NEMP2: variants seen among roughly 807,000 people sequenced by gnomAD.
NEMP2 encodes nuclear envelope integral membrane protein 2, also known as UPF0571 transmembrane protein.
Under a neutral mutation model 54.2 loss-of-function variants are expected in NEMP2, and 53 were observed. That is an observed-to-expected ratio of 0.98 (90% CI 0.78 to 1.23). NEMP2 has a LOEUF of 1.23. Ranked by LOEUF, NEMP2 falls within the 50% of genes most tolerant of loss-of-function variation. NEMP2 has a pLI of 0.00. For missense variants in NEMP2, 455 were observed against 511.3 expected (o/e 0.89, Z 1.06); for synonymous variants, 197 against 190.3 (o/e 1.04, Z -0.29).
At chr2:190,460,736 A>G in the NEMP2 span, among the ~76,000 whole-genome samples, 1 of 152,210 alleles carries the variant, frequency 6.6e-6, no homozygotes, top group Non-Finnish European at 1.5e-5. Flanking sequence ...GCTGGGTGAG[A>G]GCTGAAGAAT....
At chr2:190,422,300 GC>G in the NEMP2 span, among the ~76,000 whole-genome samples, 2 of 152,102 alleles carry the variant, frequency 1.3e-5, no homozygotes, top group Non-Finnish European at 2.9e-5. Context: ...TAGACTGGTT[GC>G]CCTTCAAAGT....
At chr2:190,559,407 G>A in the NEMP2 span, among the ~76,000 whole-genome samples, 31 of 152,292 alleles carry the variant, frequency 2.0e-4, no homozygotes, top group Non-Finnish European at 4.1e-4. The surrounding 1 kb of genome is among the most constrained non-coding windows in gnomAD (Gnocchi z 4.0). Flanking sequence ...GAGCGTATGA[G>A]TTCTGATGGA....
chr2:190,477,065 GA>G, the NEMP2 span: 1 of 106,260 alleles, frequency 9.4e-6, no homozygotes, highest in African/African-American at 3.8e-5. Flanking sequence ...GGGGTGGGGG[GA>G]GGGGGGAGGG....
chr2:190,444,124 T>C, the NEMP2 span, among the ~76,000 whole-genome samples: 17 of 152,366 alleles, frequency 1.1e-4, 1 homozygote, highest in East Asian at 3.3e-3. Context: ...AGTACTTTTA[T>C]ACTTTCAATT....
the NEMP2 span, among the ~76,000 whole-genome samples, chr2:190,580,340 G>A: frequency 5.3e-5 from 8 of 152,262 alleles, no homozygotes; most frequent in Admixed American, 3.3e-4. This position sits in a 1 kb window ranked among gnomAD's most constrained non-coding sequence, Gnocchi z 5.3. Flanking sequence ...CTTTAGTGGC[G>A]AATATAAGAG....
chr2:190,473,156 G>A, the NEMP2 span, among the ~76,000 whole-genome samples: 2 of 152,116 alleles, frequency 1.3e-5, no homozygotes, highest in African/African-American at 2.4e-5. Context: ...AGACCATCGA[G>A]GCTAGGAAGA....
chr2:190,548,313 A>G, the NEMP2 span, among the ~76,000 whole-genome samples: 3 of 152,170 alleles, frequency 2.0e-5, no homozygotes, highest in Non-Finnish European at 4.4e-5. Context: ...TATTTCAGCA[A>G]TAATTAAAGC....
the NEMP2 span, chr2:190,442,473 C>T: frequency 6.6e-6 from 1 of 152,010 alleles, no homozygotes; most frequent in Non-Finnish European, 1.5e-5. Flanking sequence ...ATGTTCCTCC[C>T]TGCTTTGAAT....
At chr2:190,591,437 G>A in the NEMP2 span, among the ~76,000 whole-genome samples, 1 of 152,112 alleles carries the variant, frequency 6.6e-6, no homozygotes, top group Non-Finnish European at 1.5e-5. The surrounding 1 kb of genome is among the most constrained non-coding windows in gnomAD (Gnocchi z 5.4). Flanking sequence ...AGTTCAGAAG[G>A]TTCCTAGTAC....
At chr2:190,501,814 G>A (rs1325073460), downstream of NEMP2, 4 of 152,590 alleles carry the variant, frequency 2.6e-5, no homozygotes, top group African/African-American at 9.7e-5. Context: ...GAAACGTACT[G>A]TACTGTAAAT....
At chr2:190,567,889 C>T in the NEMP2 span, among the ~76,000 whole-genome samples, 7 of 152,130 alleles carry the variant, frequency 4.6e-5, no homozygotes, top group Admixed American at 1.3e-4. This position sits in a 1 kb window ranked among gnomAD's most constrained non-coding sequence, Gnocchi z 4.0. Flanking sequence ...CCTTGCGATT[C>T]GCCCGCCTTG....
the NEMP2 span, among the ~76,000 whole-genome samples, chr2:190,589,117 T>A: frequency 6.6e-6 from 1 of 152,164 alleles, no homozygotes; most frequent in Non-Finnish European, 1.5e-5. The surrounding 1 kb of genome is among the most constrained non-coding windows in gnomAD (Gnocchi z 4.3). Context: ...TGGGGCCCCA[T>A]CACCCTAATG....
chr2:190,465,138 A>AT, the NEMP2 span, among the ~76,000 whole-genome samples: 3 of 152,272 alleles, frequency 2.0e-5, 1 homozygote, highest in East Asian at 5.8e-4. This position sits in a 1 kb window ranked among gnomAD's most constrained non-coding sequence, Gnocchi z 4.6. Context: ...ATCTGTAACA[A>AT]TTTTTTTCTC....
the NEMP2 span, among the ~76,000 whole-genome samples, chr2:190,441,816 C>CTCT: frequency 6.6e-6 from 1 of 151,794 alleles, no homozygotes; most frequent in African/African-American, 2.4e-5. Context: ...ACATTCTCTC[C>CTCT]TCTCTTTATT....
At chr2:190,469,755 T>TTTTTTC in the NEMP2 span, 1 of 1,457,782 alleles carries the variant, frequency 6.9e-7, no homozygotes, top group Non-Finnish European at 9.1e-7. This position sits in a 1 kb window ranked among gnomAD's most constrained non-coding sequence, Gnocchi z 5.3. Flanking sequence ...TATTTTTTTT[T>TTTTTTC]AGGGTTCTGT....
chr2:190,648,722 C>T, the NEMP2 span, among the ~76,000 whole-genome samples: 8 of 151,398 alleles, frequency 5.3e-5, no homozygotes, highest in Non-Finnish European at 7.4e-5. Flanking sequence ...TCCCCGCGCC[C>T]GGAGCGGGAC....
At chr2:190,573,451 C>A in the NEMP2 span, among the ~76,000 whole-genome samples, 1 of 152,132 alleles carries the variant, frequency 6.6e-6, no homozygotes, top group South Asian at 2.1e-4. Flanking sequence ...GTGTAATTTG[C>A]TACTCTTCTC....
the NEMP2 span, among the ~76,000 whole-genome samples, chr2:190,643,023 G>GTTTTTTTTTTTTTTTTT: frequency 2.5e-5 from 2 of 79,566 alleles, 1 homozygote; most frequent in Admixed American, 3.3e-4. Flanking sequence ...AATGGTTAAG[G>GTTTTTTTTTTTTTTTTT]TTTTTTTTTT....
the NEMP2 span, among the ~76,000 whole-genome samples, chr2:190,553,648 G>A: frequency 3.3e-5 from 5 of 152,198 alleles, no homozygotes; most frequent in African/African-American, 4.8e-5. Flanking sequence ...GCTCCAGGTG[G>A]CATCACAAAA....
Sources: gnomAD v4.1 joint callset for allele counts (sites outside exome capture counted in the v4.1 genomes callset) on GRCh38, gnomAD v4.1.1 for gene constraint, Gnocchi (gnomAD v3.1) non-coding constraint, MANE v1.5 for transcripts, NCBI Gene and HGNC (gene_info 2026-07-23, HGNC 2026-07-21) for gene names.